AFDN: variants seen among roughly 807,000 people sequenced by gnomAD.
AFDN encodes afadin.
A neutral mutation model predicts 216.6 loss-of-function variants in AFDN; 68 were observed. The ratio of observed to expected loss-of-function variants is 0.31; its 90% CI spans 0.26 to 0.38. The LOEUF (loss-of-function observed/expected upper bound fraction) is 0.38. AFDN is among the 10% of genes least tolerant of loss of function. The pLI, the probability that AFDN is intolerant of heterozygous loss-of-function variation, is 1.00. For missense variants in AFDN, 2,136 were observed against 2,342.0 expected (o/e 0.91, Z 1.82); for synonymous variants, 868 against 853.7 (o/e 1.02, Z -0.29).
At chr6:167,932,114 G>A (rs1343982941) in intron 23 of AFDN, among the ~76,000 whole-genome samples, 1 of 152,132 alleles carries the variant, frequency 6.6e-6, no homozygotes, top group Non-Finnish European at 1.5e-5. Flanking sequence ...TTCTGCAGAG[G>A]AACCTATAGA....
chr6:167,838,234 C>T (rs540398617), intron 1 of AFDN, among the ~76,000 whole-genome samples: 1 of 152,286 alleles, frequency 6.6e-6, no homozygotes, highest in East Asian at 1.9e-4. Flanking sequence ...GAAAGGAGGT[C>T]AAGACCTACC....
chr6:167,902,432 C>T (rs1789103177), intron 12 of AFDN, 46 bp downstream of exon 12: 1 of 1,389,604 alleles, frequency 7.2e-7, no homozygotes, highest in African/African-American at 1.4e-5. Context: ...TGCTATAGGA[C>T]ACCATGGATG....
intron 19 of AFDN, among the ~76,000 whole-genome samples, chr6:167,916,268 T>C (rs933956030): frequency 2.0e-5 from 3 of 152,188 alleles, no homozygotes; most frequent in Non-Finnish European, 4.4e-5. Context: ...ACAGCCGACA[T>C]TGGACCAGCT....
At chr6:167,961,967 T>C (rs1797080801) in intron 30 of AFDN, among the ~76,000 whole-genome samples, 1 of 152,180 alleles carries the variant, frequency 6.6e-6, no homozygotes, top group African/African-American at 2.4e-5. Flanking sequence ...CTGTCCCACC[T>C]ATGCAGAGGC....
At chr6:167,919,480 G>A (rs1369251980) in intron 21 of AFDN, among the ~76,000 whole-genome samples, 1 of 152,238 alleles carries the variant, frequency 6.6e-6, no homozygotes, top group Non-Finnish European at 1.5e-5. Flanking sequence ...AGGACTGAAT[G>A]GTTTCCTGTG....
rs576751013 is a variant in AFDN at position 167,844,507 on chromosome 6, A to G, written c.105+17270A>G. Among the ~76,000 whole-genome samples the G allele has an allele frequency of 1.2e-4, 19 of 152,318 alleles. No individual in the cohort carries two copies. The South Asian group carries it at 2.1e-3, about 17-fold the overall frequency. On this transcript the variant is annotated intron_variant, in intron 1 of 33. Coordinates refer to ENST00000683244, the MANE Select transcript of AFDN (RefSeq NM_001386888.1). Reference sequence around the variant, plus strand: ...TAATCATTTTCTTAACTATTAATGAACACTTTGACTGTTTCCACAGTACAC... The same window carrying G: ...TAATCATTTTCTTAACTATTAATGAGCACTTTGACTGTTTCCACAGTACAC...
chr6:167,848,702 C>T (rs1222843059), intron 1 of AFDN, among the ~76,000 whole-genome samples: 1 of 152,144 alleles, frequency 6.6e-6, no homozygotes, highest in Non-Finnish European at 1.5e-5. Context: ...TCACCCTCCT[C>T]AATATATTCA....
chr6:167,830,863 C>G (rs572210766), intron 1 of AFDN, among the ~76,000 whole-genome samples: 1 of 149,760 alleles, frequency 6.7e-6, no homozygotes, highest in East Asian at 2.0e-4. Context: ...TAACTTATAG[C>G]TACATCTATA....
rs1292462369 is a variant in AFDN at position 167,827,256 on chromosome 6, G to T, written c.105+19G>T. The T allele has an allele frequency of 3.7e-6, 4 of 1,070,658 alleles. No homozygotes were observed. The highest frequency in any genetic ancestry group is 4.6e-6 in the Non-Finnish European group (4 of 862,412). 66.3% of individuals were successfully genotyped at this position (1,070,658 alleles called of 1,614,324 possible). A position where few individuals can be genotyped will look rare whatever the true frequency, so the allele number is the denominator to read the frequency against. On this transcript the variant is annotated intron_variant, in intron 1 of 33. Transcript: ENST00000683244. ...GACCGAGGTGAGCACCGCCGGGCGCGGGGCCTGCGCGACCCCCGCCCGCTG... is the reference window on the plus strand; with the variant it reads ...GACCGAGGTGAGCACCGCCGGGCGCTGGGCCTGCGCGACCCCCGCCCGCTG...
intron 9 of AFDN, among the ~76,000 whole-genome samples, chr6:167,894,220 T>C (rs573388903): frequency 6.6e-6 from 1 of 152,220 alleles, no homozygotes; most frequent in African/African-American, 2.4e-5. Flanking sequence ...TTCAAAGCAC[T>C]CGTTGGGCGG....
chr6:167,959,196 A>G (rs1796808921), intron 30 of AFDN, among the ~76,000 whole-genome samples: 2 of 152,208 alleles, frequency 1.3e-5, no homozygotes, highest in African/African-American at 4.8e-5. Context: ...AGATCTTACA[A>G]CTTCTAATAA....
intron 1 of AFDN, among the ~76,000 whole-genome samples, chr6:167,858,312 A>G (rs1783131264): frequency 1.3e-5 from 2 of 152,216 alleles, no homozygotes; most frequent in Non-Finnish European, 2.9e-5. Context: ...TTTAAAAAGT[A>G]TGTTGGCTTG....
chr6:167,828,601 T>G (rs1200002578), intron 1 of AFDN, among the ~76,000 whole-genome samples: 1 of 152,244 alleles, frequency 6.6e-6, no homozygotes, highest in Non-Finnish European at 1.5e-5. Context: ...TACTATGTAC[T>G]TAAGTGTTCG....
intron 1 of AFDN, among the ~76,000 whole-genome samples, chr6:167,832,053 G>T (rs1031401059): frequency 1.2e-4 from 19 of 152,166 alleles, no homozygotes; most frequent in African/African-American, 3.9e-4. Flanking sequence ...TTCTGCTGTT[G>T]TTCAAATGTT....
Position 167,926,948 on chromosome 6 carries a change from G to A in AFDN, c.3099+1857G>A, listed in dbSNP as rs574099593. ...CAAATAAGAACAATTTTTTTTTACC[G>A]AGTGGATATTTGATTTGCTGTTACA... On this transcript the variant is annotated intron_variant, in intron 23 of 33. Transcript: ENST00000683244. Among the ~76,000 whole-genome samples, 5 of 152,150 alleles carry A rather than the reference G, an allele frequency of 3.3e-5. No homozygotes were observed. In the East Asian group the frequency reaches 5.8e-4, roughly 18 times the overall value.
At chr6:167,940,223 G>A (rs547725405) in intron 23 of AFDN, among the ~76,000 whole-genome samples, 98 of 152,138 alleles carry the variant, frequency 6.4e-4, no homozygotes, top group African/African-American at 2.3e-3. Context: ...ATGTAGGGGT[G>A]AGGGTGGAAA....
intron 1 of AFDN, among the ~76,000 whole-genome samples, chr6:167,850,483 C>A (rs1782174426): frequency 1.3e-5 from 2 of 152,036 alleles, no homozygotes; most frequent in Non-Finnish European, 2.9e-5. Context: ...GATGGAAGCA[C>A]TTTGATTATA....
In AFDN at chr6:167,916,236, C is replaced by T. The variant is rs565372617; in HGVS notation, c.2565+803C>T. Among the ~76,000 whole-genome samples the T allele has an allele frequency of 9.8e-5, 15 of 152,294 alleles. No individual in the cohort carries two copies. In the South Asian group the frequency reaches 1.7e-3, roughly 17 times the overall value. ...TTCTCCTTGTTTGCCTGTCTGTGTC[C>T]GAAAGACTGCTTTCTATAAGGACAG... On this transcript the variant is annotated intron_variant, in intron 19 of 33. Transcript: ENST00000683244.
chr6:167,963,117 ATG>A (rs1185715467), intron 31 of AFDN: 175 of 1,060,132 alleles, frequency 1.7e-4, no homozygotes, highest in Admixed American at 3.1e-4. Flanking sequence ...ATTTATTTTC[ATG>A]TGTGTGTGTG....
Sources: gnomAD v4.1 joint callset for allele counts (sites outside exome capture counted in the v4.1 genomes callset) on GRCh38, gnomAD v4.1.1 for gene constraint, MANE v1.5 for transcripts, NCBI Gene and HGNC (gene_info 2026-07-23, HGNC 2026-07-21) for gene names.